The following CFAP20DC variants were observed in gnomAD, a reference collection of about 807,000 sequenced individuals.
CFAP20DC encodes protein CFAP20DC.
Under a neutral mutation model 101.7 loss-of-function variants are expected in CFAP20DC, and 84 were observed. The ratio of observed to expected loss-of-function variants is 0.83; its 90% CI spans 0.69 to 0.99. The LOEUF is 0.99. CFAP20DC is among the 50% of genes least tolerant of loss of function. CFAP20DC has a pLI of 0.00. For missense variants in CFAP20DC, 1,007 were observed against 970.3 expected, an observed-to-expected ratio of 1.04 and a Z score of -0.50; for synonymous variants, 359 against 351.2, an observed-to-expected ratio of 1.02 and a Z score of -0.25.
In CFAP20DC at chr3:58,733,908, G is replaced by T. The variant is rs530259831; in HGVS notation, c.198-16280C>A. 2.0e-5 allele frequency among the ~76,000 whole-genome samples: 3 copies of T among 152,250 alleles called. No homozygotes were observed. The East Asian group carries it at 5.8e-4, about 29-fold the overall frequency. On this transcript the variant is annotated intron_variant, in intron 3 of 3. Coordinates refer to the CFAP20DC transcript ENST00000486145. ...TGTTTTAGCTTAGTCTTATAATAGG[G>T]TAAAATATGAAGCTCTAACTTTAAT... is the stretch of plus-strand genomic sequence containing the variant.
chr3:58,954,730 G>C (rs1238181689), intron 4 of CFAP20DC, among the ~76,000 whole-genome samples: 1 of 152,060 alleles, frequency 6.6e-6, no homozygotes, highest in Non-Finnish European at 1.5e-5. Context: ...CTTTAAAAGA[G>C]AAGAGAAGCA....
At chr3:58,893,236 G>T (rs2082398333) in intron 6 of CFAP20DC, among the ~76,000 whole-genome samples, 1 of 152,040 alleles carries the variant, frequency 6.6e-6, no homozygotes, top group African/African-American at 2.4e-5. Flanking sequence ...AGTAGAGACG[G>T]GGTTTCACTG....
intron 1 of CFAP20DC, among the ~76,000 whole-genome samples, chr3:59,048,542 C>T (rs1477891312): frequency 2.0e-5 from 3 of 152,134 alleles, no homozygotes; most frequent in Non-Finnish European, 2.9e-5. Flanking sequence ...CTCCAAGTTT[C>T]CTGTAGTGGG....
rs568978742 is a variant in CFAP20DC, at chr3:58,840,362, A to G, written c.1972-8473T>C. ...TATGAACTGCTACTAGTTATGCCCA[A>G]ATTCAATTCAAGACCTCAAGCAGGA... is the stretch of plus-strand genomic sequence containing the variant. On this transcript the variant is annotated intron_variant, in intron 13 of 16. Transcript: ENST00000482387. 2.0e-5 allele frequency among the ~76,000 whole-genome samples: 3 copies of G among 152,340 alleles called. No individual in the cohort carries two copies. In the South Asian group the frequency reaches 6.2e-4, roughly 32 times the overall value.
intron 15 of CFAP20DC, among the ~76,000 whole-genome samples, chr3:58,765,490 C>CAAA (rs1337049385): frequency 8.6e-5 from 7 of 81,794 alleles, no homozygotes; most frequent in African/African-American, 2.6e-4. Context: ...AAAAAAAAAC[C>CAAA]AAAAAAAAAA....
At position 58,722,785 on chromosome 3, in the gene CFAP20DC, T is replaced by G. The variant is rs1047850334; in HGVS notation, c.198-5157A>C. On this transcript the variant is annotated intron_variant, in intron 3 of 3. Coordinates refer to the CFAP20DC transcript ENST00000486145. The surrounding 1 kb of genome is among the most constrained non-coding windows in gnomAD (Gnocchi z 4.5). Reference sequence around the variant, plus strand: ...ACTGCTGGTATCCTGCCAAGAGAGATAAACAGTCTCATCTTGCACTGCATT... The same window carrying G: ...ACTGCTGGTATCCTGCCAAGAGAGAGAAACAGTCTCATCTTGCACTGCATT... Among the ~76,000 whole-genome samples the G allele has an allele frequency of 3.9e-5, 6 of 152,356 alleles. No individual in the cohort carries two copies. Among genetic ancestry groups the G allele is most frequent in the Non-Finnish European group, 5.9e-5 (4 of 68,028 alleles).
chr3:58,944,088 C>A (rs905341502), intron 4 of CFAP20DC, among the ~76,000 whole-genome samples: 5 of 152,092 alleles, frequency 3.3e-5, no homozygotes, highest in African/African-American at 1.2e-4. Flanking sequence ...ATGACCAAAC[C>A]TACATTTGAT....
chr3:58,918,696 T>C (rs2085003780), intron 5 of CFAP20DC, among the ~76,000 whole-genome samples: 1 of 152,078 alleles, frequency 6.6e-6, no homozygotes, highest in Non-Finnish European at 1.5e-5. Context: ...TCCTTTGAAA[T>C]ATATTCTTCC....
chr3:58,921,483 A>G (rs577630368), intron 5 of CFAP20DC, among the ~76,000 whole-genome samples: 1 of 151,320 alleles, frequency 6.6e-6, no homozygotes, highest in South Asian at 2.1e-4. Context: ...TAATATTCTA[A>G]TTTTTTTTTA....
chr3:58,735,991 A>G (rs2067745420), intron 3 of CFAP20DC, among the ~76,000 whole-genome samples: 1 of 152,150 alleles, frequency 6.6e-6, no homozygotes, highest in South Asian at 2.1e-4. Flanking sequence ...CTTAAATCAA[A>G]TATCTCTTGA....
chr3:59,034,741 A>G (rs531167564), intron 4 of CFAP20DC, among the ~76,000 whole-genome samples: 2 of 152,288 alleles, frequency 1.3e-5, no homozygotes, highest in African/African-American at 4.8e-5. Context: ...ACAAAATAAT[A>G]GTGGGAGACT....
intron 3 of CFAP20DC, among the ~76,000 whole-genome samples, chr3:59,043,170 A>T (rs902416981): frequency 6.6e-6 from 1 of 152,170 alleles, no homozygotes; most frequent in Non-Finnish European, 1.5e-5. Context: ...TAAATCCATG[A>T]GCTGGAAGCT....
At chr3:59,024,403 T>C (rs1348385898) in intron 4 of CFAP20DC, among the ~76,000 whole-genome samples, 1 of 152,178 alleles carries the variant, frequency 6.6e-6, no homozygotes, top group African/African-American at 2.4e-5. Context: ...CTAATTGCTC[T>C]GGCCCCTCAA....
intron 3 of CFAP20DC, among the ~76,000 whole-genome samples, chr3:58,736,299 G>A (rs889627345): frequency 6.6e-6 from 1 of 152,144 alleles, no homozygotes; most frequent in African/African-American, 2.4e-5. Flanking sequence ...TAAGTTTTCA[G>A]GGTCTGAAAT....
chr3:58,734,066 G>T (rs1294981537), intron 3 of CFAP20DC, among the ~76,000 whole-genome samples: 1 of 152,160 alleles, frequency 6.6e-6, no homozygotes, highest in Non-Finnish European at 1.5e-5. Flanking sequence ...CTGTTCTCAT[G>T]ATAGTGAGTG....
Position 58,861,967 on chromosome 3 carries a change from G to C in CFAP20DC, c.1593+1591C>G, listed in dbSNP as rs2079287539. 11 of 984,926 alleles carry C rather than the reference G, an allele frequency of 1.1e-5. No homozygotes were observed. Among genetic ancestry groups the C allele is most frequent in the Non-Finnish European group, 7.2e-6 (6 of 829,562 alleles). 61.0% of individuals were successfully genotyped at this position (984,926 alleles called of 1,614,324 possible). On this transcript the variant is annotated intron_variant, in intron 12 of 16. Coordinates refer to ENST00000482387, the MANE Select transcript of CFAP20DC (RefSeq NM_001394063.1). The surrounding 1 kb of genome is among the most constrained non-coding windows in gnomAD (Gnocchi z 4.0). ...CAGAGGCAGAGTAGCTACAGCAAAA[G>C]AAAGCATTAAGTGATATCAAATTAA...
intron 14 of CFAP20DC, among the ~76,000 whole-genome samples, chr3:58,807,553 A>G (rs1290464599): frequency 6.6e-6 from 1 of 152,212 alleles, no homozygotes; most frequent in Non-Finnish European, 1.5e-5. Flanking sequence ...CATCCATACC[A>G]AAACCCCATC....
intron 7 of CFAP20DC, among the ~76,000 whole-genome samples, chr3:58,877,729 T>A (rs1011787287): frequency 4.6e-5 from 7 of 152,188 alleles, no homozygotes; most frequent in Non-Finnish European, 7.4e-5. Context: ...TTCCACTTAC[T>A]TCCTATGCAA....
At chr3:58,924,479 A>G (rs533663312) in intron 5 of CFAP20DC, among the ~76,000 whole-genome samples, 49 of 152,212 alleles carry the variant, frequency 3.2e-4, no homozygotes, top group African/African-American at 1.1e-3. Flanking sequence ...TCATCTGATG[A>G]TGGACACTTA....
Sources: allele counts gnomAD v4.1 joint callset (sites outside exome capture counted in the v4.1 genomes callset), GRCh38; gene constraint gnomAD v4.1.1; non-coding constraint Gnocchi (gnomAD v3.1); transcripts MANE v1.5; gene names NCBI Gene and HGNC (gene_info 2026-07-23, HGNC 2026-07-21).